Variants in HS6ST3 observed in about 807,000 individuals in gnomAD.
The protein encoded by HS6ST3 is heparan-sulfate 6-O-sulfotransferase 3.
Under a neutral mutation model 36.7 loss-of-function variants are expected in HS6ST3, and 12 were observed. That is an observed-to-expected ratio of 0.33 (90% CI 0.21 to 0.53). HS6ST3 has a LOEUF of 0.53. HS6ST3 is among the 20% of genes least tolerant of loss of function. HS6ST3 has a pLI of 0.95. For missense variants in HS6ST3, 584 were observed against 640.9 expected (o/e 0.91, Z 0.96); for synonymous variants, 240 against 257.5 (o/e 0.93, Z 0.65).
Position 96,634,611 on chromosome 13 carries a change from C to T in HS6ST3, c.708-197879C>T, listed in dbSNP as rs1469214445. ...ACCAAAAAGATTAGCTATTACTCTA[C>T]ATTGGCTTCACTCTACCGCAATGTG... is the stretch of plus-strand genomic sequence containing the variant. On this transcript the variant is annotated intron_variant, in intron 1 of 1. Transcript: ENST00000376705. Among the ~76,000 whole-genome samples, 23 of 152,148 alleles carry T rather than the reference C, an allele frequency of 1.5e-4. 1 individual carries two copies. The highest frequency in any genetic ancestry group is 1.4e-3 in the Admixed American group (22 of 15,270).
chr13:96,358,971 G>A (rs1230684321), intron 1 of HS6ST3, among the ~76,000 whole-genome samples: 1 of 151,620 alleles, frequency 6.6e-6, no homozygotes, highest in Non-Finnish European at 1.5e-5. Flanking sequence ...GATTAATCTG[G>A]GTAAATGTAC....
chr13:96,631,822 A>G (rs978685921), intron 1 of HS6ST3, among the ~76,000 whole-genome samples: 2 of 152,236 alleles, frequency 1.3e-5, no homozygotes, highest in African/African-American at 4.8e-5. Flanking sequence ...AGGTCATCAG[A>G]ATCAGTATTG....
At chr13:96,240,867 C>G (rs2054556446) in intron 1 of HS6ST3, among the ~76,000 whole-genome samples, 1 of 152,198 alleles carries the variant, frequency 6.6e-6, no homozygotes, top group Non-Finnish European at 1.5e-5. Flanking sequence ...TTTTCTTAGG[C>G]AAGGCCAGGG....
intron 1 of HS6ST3, among the ~76,000 whole-genome samples, chr13:96,737,773 AGC>A (rs1290776118): frequency 1.3e-5 from 2 of 152,184 alleles, no homozygotes; most frequent in African/African-American, 4.8e-5. Flanking sequence ...ATTTTAATAA[AGC>A]TATCATCTCT....
At chr13:96,430,362 G>A (rs1462204192) in intron 1 of HS6ST3, among the ~76,000 whole-genome samples, 4 of 152,102 alleles carry the variant, frequency 2.6e-5, no homozygotes, top group Admixed American at 6.5e-5. Context: ...GTAGGTGAAC[G>A]CCCTCCCTCC....
intron 1 of HS6ST3, among the ~76,000 whole-genome samples, chr13:96,215,970 T>C (rs1294961120): frequency 1.3e-5 from 2 of 152,198 alleles, no homozygotes; most frequent in Admixed American, 1.3e-4. Context: ...TGGGAGGTAA[T>C]AATGCATAGT....
At chr13:96,420,550 C>G (rs1344624951) in intron 1 of HS6ST3, among the ~76,000 whole-genome samples, 2 of 152,146 alleles carry the variant, frequency 1.3e-5, no homozygotes, top group Non-Finnish European at 2.9e-5. Flanking sequence ...TTTAGAGCAA[C>G]AAATACACAT....
chr13:96,614,549 A>C (rs933539086), intron 1 of HS6ST3, among the ~76,000 whole-genome samples: 1 of 152,128 alleles, frequency 6.6e-6, no homozygotes, highest in African/African-American at 2.4e-5. Context: ...CATAAATAAT[A>C]GAAGCAGCTT....
At chr13:96,159,540 T>C (rs905604449) in intron 1 of HS6ST3, among the ~76,000 whole-genome samples, 1 of 152,230 alleles carries the variant, frequency 6.6e-6, no homozygotes, top group African/African-American at 2.4e-5. Context: ...ATATCCAGAC[T>C]GTCTGAGATC....
At chr13:96,526,699 T>C (rs1019842959) in intron 1 of HS6ST3, among the ~76,000 whole-genome samples, 6 of 152,198 alleles carry the variant, frequency 3.9e-5, no homozygotes, top group Non-Finnish European at 7.3e-5. Flanking sequence ...TGATAATTAT[T>C]GTTATTACTA....
intron 1 of HS6ST3, among the ~76,000 whole-genome samples, chr13:96,581,643 C>T (rs1455397893): frequency 6.6e-6 from 1 of 152,118 alleles, no homozygotes; most frequent in Admixed American, 6.5e-5. Flanking sequence ...CCAACAACAC[C>T]TACAGAATGT....
intron 1 of HS6ST3, among the ~76,000 whole-genome samples, chr13:96,337,640 G>T (rs2055108626): frequency 6.6e-6 from 1 of 152,008 alleles, no homozygotes; most frequent in South Asian, 2.1e-4. Context: ...CATCAGGGAA[G>T]GTATTTTTTC....
chr13:96,743,424 T>C (rs1469776756), intron 1 of HS6ST3, among the ~76,000 whole-genome samples: 13 of 152,052 alleles, frequency 8.5e-5, no homozygotes, highest in African/African-American at 3.1e-4. Flanking sequence ...TCATTTGTGT[T>C]GGGAAGGAAA....
intron 1 of HS6ST3, among the ~76,000 whole-genome samples, chr13:96,428,089 G>A (rs2055596181): frequency 1.3e-5 from 2 of 152,230 alleles, no homozygotes; most frequent in South Asian, 2.1e-4. Flanking sequence ...AGTTTGATAA[G>A]GCTGCCATAG....
At chr13:96,224,568 G>C (rs1056661938) in intron 1 of HS6ST3, among the ~76,000 whole-genome samples, 1 of 152,166 alleles carries the variant, frequency 6.6e-6, no homozygotes, top group Non-Finnish European at 1.5e-5. Flanking sequence ...TCCTGCCTTG[G>C]CCTCCCAAAG....
intron 1 of HS6ST3, among the ~76,000 whole-genome samples, chr13:96,754,257 A>G (rs1477324627): frequency 1.3e-5 from 2 of 152,078 alleles, no homozygotes; most frequent in Admixed American, 1.3e-4. Context: ...AATCGAGAAG[A>G]TTTATTATTT....
chr13:96,603,568 G>C (rs1306165319), intron 1 of HS6ST3, among the ~76,000 whole-genome samples: 2 of 152,040 alleles, frequency 1.3e-5, no homozygotes, highest in African/African-American at 4.8e-5. Flanking sequence ...TTTCTGTGGG[G>C]TATATACCTA....
At chr13:96,457,686 C>T (rs1489638795) in intron 1 of HS6ST3, among the ~76,000 whole-genome samples, 1 of 152,050 alleles carries the variant, frequency 6.6e-6, no homozygotes, top group African/African-American at 2.4e-5. Context: ...GCTTAGTTTG[C>T]CCTCTGCTGA....
intron 1 of HS6ST3, among the ~76,000 whole-genome samples, chr13:96,279,889 TG>T (rs1215691030): frequency 3.3e-5 from 5 of 152,194 alleles, no homozygotes; most frequent in Non-Finnish European, 7.3e-5. Flanking sequence ...CTATATTTTT[TG>T]CTACTTTAAT....
Sources: gnomAD v4.1 joint callset for allele counts (sites outside exome capture counted in the v4.1 genomes callset) on GRCh38, gnomAD v4.1.1 for gene constraint, MANE v1.5 for transcripts, NCBI Gene and HGNC (gene_info 2026-07-23, HGNC 2026-07-21) for gene names.